The following PCGF5 variants were observed in gnomAD, a reference collection of about 807,000 sequenced individuals.
PCGF5 encodes polycomb group ring finger 5.
In PCGF5, 9 loss-of-function variants were observed where a neutral mutation model predicts 44.3. That is an observed-to-expected ratio of 0.20 (90% CI 0.12 to 0.35). PCGF5 has a LOEUF of 0.35. Among genes scored for constraint, PCGF5 ranks in the 10% least tolerant of loss-of-function variants. The pLI is 1.00. For synonymous variants in PCGF5, 95 were observed against 102.5 expected, an observed-to-expected ratio of 0.93 and a Z score of 0.44; for missense variants, 146 against 305.3, an observed-to-expected ratio of 0.48 and a Z score of 3.89.
chr10:91,224,193 G>C (rs1419790678), intron 2 of PCGF5, among the ~76,000 whole-genome samples: 1 of 152,178 alleles, frequency 6.6e-6, no homozygotes, highest in Non-Finnish European at 1.5e-5. Flanking sequence ...AGTGGGTCTT[G>C]TGGTAAGGCC....
At chr10:91,200,402 G>A (rs1446155404) in intron 1 of PCGF5, among the ~76,000 whole-genome samples, 2 of 152,110 alleles carry the variant, frequency 1.3e-5, no homozygotes, top group Admixed American at 1.3e-4. Flanking sequence ...GAGAGTGAGG[G>A]TATAGAAAGA....
At chr10:91,194,447 G>A (rs1296103596) in intron 1 of PCGF5, among the ~76,000 whole-genome samples, 1 of 152,216 alleles carries the variant, frequency 6.6e-6, no homozygotes, top group East Asian at 1.9e-4. Flanking sequence ...CTGCTAGAAG[G>A]TGGAAATGGC....
intron 8 of PCGF5, among the ~76,000 whole-genome samples, chr10:91,269,441 A>G (rs966311344): frequency 3.3e-5 from 5 of 152,122 alleles, no homozygotes; most frequent in African/African-American, 1.2e-4. Context: ...GAATCAGTAA[A>G]CTTTGAAACA....
chr10:91,161,210 A>C (rs776640136), upstream of PCGF5, among the ~76,000 whole-genome samples: 1 of 152,228 alleles, frequency 6.6e-6, no homozygotes, highest in Non-Finnish European at 1.5e-5. Context: ...AGCAGTTGCT[A>C]ATCTCAGGAT....
intron 9 of PCGF5, 86 bp from the exon 10 acceptor site, chr10:91,278,183 C>A: frequency 1.7e-6 from 2 of 1,143,640 alleles, no homozygotes; most frequent in Middle Eastern, 2.0e-4. Flanking sequence ...TAAATTATAA[C>A]TCCGAATTCT....
At chr10:91,227,885 G>A (rs921455266) in intron 2 of PCGF5, 184 of 983,704 alleles carry the variant, frequency 1.9e-4, no homozygotes, top group Non-Finnish European at 2.0e-4. Context: ...CCTCTAAGAT[G>A]TGCCCTACCA....
intron 8 of PCGF5, among the ~76,000 whole-genome samples, chr10:91,268,342 T>G (rs1846095049): frequency 6.6e-6 from 1 of 152,224 alleles, no homozygotes; most frequent in South Asian, 2.1e-4. Flanking sequence ...TATTAGTACC[T>G]ATTAGGGAAA....
chr10:91,242,176 C>T (rs559902051), intron 3 of PCGF5, among the ~76,000 whole-genome samples: 2 of 149,798 alleles, frequency 1.3e-5, no homozygotes, highest in African/African-American at 2.5e-5. Context: ...GTGCTCCTGG[C>T]ATCTAGTAGG....
Position 91,246,965 on chromosome 10 carries a change from GGATAGATAGATAGATAGATA to G in PCGF5, c.210-1503_210-1484del, listed in dbSNP as rs67397753. The stretch of plus-strand genomic sequence containing the variant: ...CAGGCAGATAGATAGATGGATAGAT[GGATAGATAGATAGATAGATA>G]GATAGATAGATAGATAGATAGATAG... On this transcript the variant is annotated intron_variant, in intron 3 of 9. Transcript: ENST00000336126. 7.4e-3 allele frequency among the ~76,000 whole-genome samples: 1,074 copies of G among 144,850 alleles called. 11 individuals are homozygous for G. The highest frequency in any genetic ancestry group is 0.021 in the African/African-American group (835 of 38,884).
intron 8 of PCGF5, among the ~76,000 whole-genome samples, chr10:91,266,236 A>G (rs530088429): frequency 6.6e-6 from 1 of 152,306 alleles, no homozygotes; most frequent in East Asian, 1.9e-4. Context: ...CATCGTGATG[A>G]ATAGACTTGC....
intron 1 of PCGF5, among the ~76,000 whole-genome samples, chr10:91,206,281 A>G (rs1468134110): frequency 1.3e-5 from 2 of 152,174 alleles, no homozygotes; most frequent in East Asian, 3.9e-4. Context: ...AAAGGTAGGT[A>G]CAGATGTAAC....
chr10:91,177,716 T>C (rs1211865030), intron 1 of PCGF5, among the ~76,000 whole-genome samples: 11 of 152,192 alleles, frequency 7.2e-5, no homozygotes, highest in Admixed American at 4.6e-4. Flanking sequence ...AGGTGCAGGA[T>C]ATAATCTCCT....
intron 1 of PCGF5, among the ~76,000 whole-genome samples, chr10:91,173,595 T>TTTTTTTTTTTTTC (rs71025342): frequency 2.8e-5 from 4 of 140,754 alleles, no homozygotes; most frequent in African/African-American, 5.2e-5. Flanking sequence ...TTTTTTTTTT[T>TTTTTTTTTTTTTC]CCCACAGAAG....
intron 2 of PCGF5, among the ~76,000 whole-genome samples, chr10:91,226,745 G>A (rs763253667): frequency 3.3e-5 from 5 of 152,124 alleles, no homozygotes; most frequent in Non-Finnish European, 7.4e-5. Context: ...AGGAGGTAGA[G>A]ATGGTGGGGC....
chr10:91,226,203 T>C (rs1259790356), intron 2 of PCGF5, among the ~76,000 whole-genome samples: 2 of 148,296 alleles, frequency 1.3e-5, no homozygotes, highest in African/African-American at 5.0e-5. Context: ...AATGAAGCTT[T>C]ATAATTGGTG....
chr10:91,251,115 T>A (rs1056074514), intron 5 of PCGF5, among the ~76,000 whole-genome samples, 177 bp from the exon 6 acceptor site: 1 of 149,200 alleles, frequency 6.7e-6, no homozygotes, highest in Non-Finnish European at 1.5e-5. Flanking sequence ...TTTTTTTTTT[T>A]ACAAAATATT....
intron 6 of PCGF5, among the ~76,000 whole-genome samples, chr10:91,255,040 T>A (rs1163996783): frequency 6.6e-6 from 1 of 152,010 alleles, no homozygotes; most frequent in Non-Finnish European, 1.5e-5. Flanking sequence ...AGGTAGAGCT[T>A]TTTCAAAGCC....
intron 1 of PCGF5, among the ~76,000 whole-genome samples, chr10:91,197,415 T>C (rs185736707): frequency 6.6e-6 from 1 of 152,318 alleles, no homozygotes; most frequent in Non-Finnish European, 1.5e-5. Flanking sequence ...CCACGGGCAG[T>C]GTTATCACAA....
At chr10:91,213,959 A>C (rs1057244479) in intron 1 of PCGF5, among the ~76,000 whole-genome samples, 2 of 152,132 alleles carry the variant, frequency 1.3e-5, no homozygotes, top group Non-Finnish European at 2.9e-5. Flanking sequence ...TATTCTTTGA[A>C]GGTATAATCA....
Sources: gnomAD v4.1 joint callset for allele counts (sites outside exome capture counted in the v4.1 genomes callset) on GRCh38, gnomAD v4.1.1 for gene constraint, MANE v1.5 for transcripts, NCBI Gene and HGNC (gene_info 2026-07-23, HGNC 2026-07-21) for gene names.